The following DPYS variants were observed in gnomAD, a reference collection of about 807,000 sequenced individuals.
DPYS encodes dihydropyrimidine amidohydrolase.
In DPYS, 39 loss-of-function variants were observed where a neutral mutation model predicts 50.3. The ratio of observed to expected loss-of-function variants is 0.78; its 90% CI spans 0.60 to 1.01. The LOEUF (loss-of-function observed/expected upper bound fraction) is 1.01. Among genes scored for constraint, DPYS ranks in the 50% least tolerant of loss-of-function variants. The pLI is 0.00. For missense variants in DPYS, 659 were observed against 680.9 expected (o/e 0.97, Z 0.36); for synonymous variants, 245 against 250.7 (o/e 0.98, Z 0.22).
chr8:104,424,512 C>T, intron 6 of DPYS, 123 bp from the exon 7 acceptor site: 1 of 1,014,014 alleles, frequency 9.9e-7, no homozygotes, highest in South Asian at 1.5e-5. Flanking sequence ...TATTGTAGAG[C>T]ATCTGAGGAT....
At chr8:104,428,837 C>CTTTT (rs112742723) in intron 5 of DPYS, among the ~76,000 whole-genome samples, 40 of 147,910 alleles carry the variant, frequency 2.7e-4, no homozygotes, top group Admixed American at 8.0e-4. Context: ...TTTCTCTTTT[C>CTTTT]TTTTTTTTTT....
At chr8:104,408,083 C>CTGGG (rs1364081576) in intron 7 of DPYS, among the ~76,000 whole-genome samples, 1 of 152,226 alleles carries the variant, frequency 6.6e-6, no homozygotes, top group African/African-American at 2.4e-5. Context: ...GTTCTAGGTG[C>CTGGG]TGGGGATACA....
At chr8:104,422,847 C>T (rs764262862) in intron 7 of DPYS, among the ~76,000 whole-genome samples, 4 of 152,154 alleles carry the variant, frequency 2.6e-5, no homozygotes, top group Non-Finnish European at 5.9e-5. Flanking sequence ...GCTGGGTGTA[C>T]AGCAGCCCGC....
intron 8 of DPYS, among the ~76,000 whole-genome samples, chr8:104,385,590 C>T (rs891369836): frequency 6.6e-6 from 1 of 152,120 alleles, no homozygotes; most frequent in African/African-American, 2.4e-5. Context: ...ACATGAGAGG[C>T]TGTTGCTGTG....
chr8:104,419,186 GC>G (rs1488878953), intron 7 of DPYS: 2 of 428,590 alleles, frequency 4.7e-6, no homozygotes, highest in Non-Finnish European at 6.2e-6. Context: ...TTGATCACAT[GC>G]AGTAAGTAAA....
At chr8:104,397,403 G>A (rs1209715251) in intron 7 of DPYS, among the ~76,000 whole-genome samples, 2 of 152,154 alleles carry the variant, frequency 1.3e-5, no homozygotes, top group Non-Finnish European at 2.9e-5. Context: ...TTAAAAGATT[G>A]CATGATTGTC....
At chr8:104,418,424 T>C (rs536941506) in intron 7 of DPYS, among the ~76,000 whole-genome samples, 63 of 152,214 alleles carry the variant, frequency 4.1e-4, no homozygotes, top group African/African-American at 1.4e-3. Context: ...AGGCCTTCAT[T>C]GCAAGAAGAA....
intron 7 of DPYS, among the ~76,000 whole-genome samples, chr8:104,423,406 G>A (rs1812612631): frequency 1.3e-5 from 2 of 152,148 alleles, no homozygotes; most frequent in Non-Finnish European, 2.9e-5. Flanking sequence ...TTTTCCCAAA[G>A]GTAACCCAGG....
chr8:104,439,705 A>G (rs1290177344), intron 4 of DPYS, among the ~76,000 whole-genome samples: 1 of 152,176 alleles, frequency 6.6e-6, no homozygotes, highest in Non-Finnish European at 1.5e-5. Flanking sequence ...GGATCATCTG[A>G]GCACAGGAGC....
At chr8:104,429,198 C>T in intron 5 of DPYS, 1 of 282,528 alleles carries the variant, frequency 3.5e-6, no homozygotes, top group Non-Finnish European at 6.9e-6. Context: ...TAACCTAGTT[C>T]CCATATTATA....
intron 4 of DPYS, among the ~76,000 whole-genome samples, chr8:104,431,318 C>T (rs73291262): frequency 0.018 from 2,741 of 151,936 alleles, 77 homozygotes; most frequent in African/African-American, 0.063. Flanking sequence ...TGTTTTGAAA[C>T]CAGATGACAG....
chr8:104,412,440 C>G (rs1375576435), intron 7 of DPYS, among the ~76,000 whole-genome samples: 2 of 152,114 alleles, frequency 1.3e-5, no homozygotes, highest in Admixed American at 6.6e-5. Context: ...GTGCGTGTGT[C>G]TTGGGTGGGT....
intron 8 of DPYS, 122 bp from the exon 9 acceptor site, chr8:104,381,436 T>G: frequency 3.4e-6 from 3 of 870,458 alleles, no homozygotes; most frequent in African/African-American, 1.7e-5. Flanking sequence ...ATCACGTGCC[T>G]CCCCATCCCC....
chr8:104,412,830 A>G (rs1812231888), intron 7 of DPYS, among the ~76,000 whole-genome samples: 2 of 152,352 alleles, frequency 1.3e-5, no homozygotes, highest in African/African-American at 4.8e-5. Flanking sequence ...CACCCTGGTA[A>G]AGAATGGGAT....
chr8:104,449,769 A>C (rs543373176), intron 2 of DPYS, among the ~76,000 whole-genome samples: 7 of 152,324 alleles, frequency 4.6e-5, no homozygotes, highest in Non-Finnish European at 8.8e-5. Flanking sequence ...GTTGTCAGCA[A>C]ACTTCCAGAA....
At chr8:104,407,642 G>T (rs1034837842) in intron 7 of DPYS, among the ~76,000 whole-genome samples, 9 of 152,150 alleles carry the variant, frequency 5.9e-5, no homozygotes, top group African/African-American at 2.2e-4. Context: ...AACAACAAAT[G>T]AGGCATGAGA....
intron 7 of DPYS, among the ~76,000 whole-genome samples, chr8:104,409,876 A>G (rs1812116480): frequency 6.6e-6 from 1 of 152,228 alleles, no homozygotes; most frequent in African/African-American, 2.4e-5. Context: ...TCCTGCAGCC[A>G]GTACTGGCAC....
At chr8:104,418,108 T>C (rs116440733) in intron 7 of DPYS, among the ~76,000 whole-genome samples, 1 of 152,366 alleles carries the variant, frequency 6.6e-6, no homozygotes, top group African/African-American at 2.4e-5. Flanking sequence ...GCCAAAAATC[T>C]TTAGCAAATG....
chr8:104,426,451 G>C (rs940341705), intron 6 of DPYS, among the ~76,000 whole-genome samples: 7 of 152,132 alleles, frequency 4.6e-5, no homozygotes, highest in Admixed American at 1.3e-4. Context: ...TTACTGCAAA[G>C]GTCCAAACAA....
Sources: gnomAD v4.1 joint callset for allele counts (sites outside exome capture counted in the v4.1 genomes callset) on GRCh38, gnomAD v4.1.1 for gene constraint, MANE v1.5 for transcripts, NCBI Gene and HGNC (gene_info 2026-07-23, HGNC 2026-07-21) for gene names.